Variants in KIF16B observed in about 807,000 individuals in gnomAD.
KIF16B encodes the protein kinesin-like protein KIF16B.
A neutral mutation model predicts 156.3 loss-of-function variants in KIF16B; 98 were observed. The ratio of observed to expected loss-of-function variants is 0.63; its 90% CI spans 0.53 to 0.74. The LOEUF (loss-of-function observed/expected upper bound fraction) is 0.74, where lower values mean the gene tolerates loss of function less well. KIF16B is among the 30% of genes least tolerant of loss of function. The pLI, the probability that KIF16B is intolerant of heterozygous loss-of-function variation, is 0.00. For synonymous variants in KIF16B, 564 were observed against 583.7 expected (o/e 0.97, Z 0.49); for missense variants, 1,421 against 1,606.5 (o/e 0.88, Z 1.97).
intron 11 of KIF16B, 56 bp from the exon 12 acceptor site, chr20:16,494,406 T>C: frequency 8.3e-7 from 1 of 1,207,770 alleles, no homozygotes; most frequent in Non-Finnish European, 1.2e-6. Context: ...TATAATTTTC[T>C]TCTAGTTTCC....
chr20:16,418,700 T>C (rs943060853), intron 15 of KIF16B, among the ~76,000 whole-genome samples: 4 of 152,192 alleles, frequency 2.6e-5, no homozygotes, highest in African/African-American at 9.6e-5. Context: ...TGCATCATGC[T>C]AACCCTGCCA....
chr20:16,543,681 T>C (rs1428192265), intron 1 of KIF16B, among the ~76,000 whole-genome samples: 5 of 152,108 alleles, frequency 3.3e-5, no homozygotes, highest in African/African-American at 7.2e-5. Flanking sequence ...ATGGGGAATT[T>C]TGGATACTCC....
Position 16,573,314 on chromosome 20 carries a change from C to A in KIF16B, c.-39G>T, listed in dbSNP as rs772580791. 3.1e-6 allele frequency: 5 copies of A among 1,606,482 alleles called. No homozygotes were observed. Among genetic ancestry groups the A allele is most frequent in the Non-Finnish European group, 4.2e-6 (5 of 1,177,086 alleles). The stretch of plus-strand genomic sequence containing the variant: ...CCAGCCCGCGCGGGGTCCCACTAGC[C>A]CAGAACTCCGCGGTCGCCGGCGACG... On this transcript the variant is annotated 5_prime_UTR_variant, in exon 1 of 26. Transcript: ENST00000354981.
At chr20:16,402,756 A>G (rs987756382) in intron 17 of KIF16B, among the ~76,000 whole-genome samples, 17 of 152,238 alleles carry the variant, frequency 1.1e-4, no homozygotes, top group Non-Finnish European at 1.9e-4. Context: ...GACAGTGGAC[A>G]GCCCGAGTGA....
chr20:16,542,457 T>C (rs527705781), intron 1 of KIF16B, among the ~76,000 whole-genome samples: 1 of 152,322 alleles, frequency 6.6e-6, no homozygotes, highest in African/African-American at 2.4e-5. Flanking sequence ...CTCTATCATT[T>C]TAGATTGTGG....
chr20:16,564,194 G>A lies in KIF16B; in HGVS notation c.47+9035C>T, dbSNP rs947287663. On this transcript the variant is annotated intron_variant, in intron 1 of 25. Transcript: ENST00000354981. ...GTAAAAAAGTTTCAAAAGATTACAG[G>A]AGTCCTTGCGGTAATTTGCTGAGAA... Among the ~76,000 whole-genome samples the A allele has an allele frequency of 3.3e-5, 5 of 152,276 alleles. No individual in the cohort carries two copies. The South Asian group carries it at 1.0e-3, about 32-fold the overall frequency.
At chr20:16,430,060 C>A in intron 12 of KIF16B, 78 bp from the exon 13 acceptor site, 1 of 1,354,910 alleles carries the variant, frequency 7.4e-7, no homozygotes, top group South Asian at 1.5e-5. Context: ...TTCAGATTGT[C>A]AGAATGGGCA....
chr20:16,374,332 A>G lies in KIF16B; in HGVS notation c.3275T>C (p.Leu1092Pro). The change falls in exon 20 of 26, where the codon CTG becomes CCG. Residue 1092 changes from leucine (L) to proline (P), a missense_variant. Coordinates refer to ENST00000354981, the MANE Select transcript of KIF16B (RefSeq NM_024704.5). ...GCTGGAAGAAGCCACCTTCCCTTCC[A>G]GGGTCCCATGATGATCTTTTTGAAC... ...DGVQKDHHGTLEGKVASSSLP... is the reference protein window; with the variant it reads ...DGVQKDHHGTPEGKVASSSLP... 1 of 1,606,958 alleles carries G rather than the reference A, an allele frequency of 6.2e-7. No homozygotes were observed. Among genetic ancestry groups the G allele is most frequent in the Admixed American group, 1.7e-5 (1 of 59,588 alleles).
intron 17 of KIF16B, among the ~76,000 whole-genome samples, chr20:16,391,417 T>A (rs1001206011): frequency 6.6e-6 from 1 of 152,198 alleles, no homozygotes; most frequent in Non-Finnish European, 1.5e-5. Context: ...GGCACTGTGG[T>A]CTCAGCAAAA....
intron 22 of KIF16B, among the ~76,000 whole-genome samples, chr20:16,360,840 A>G (rs1174667950): frequency 6.6e-6 from 1 of 152,216 alleles, no homozygotes; most frequent in Non-Finnish European, 1.5e-5. Flanking sequence ...TACTCAGGCT[A>G]TTTCCTTCAA....
At chr20:16,478,068 GT>G (rs1219982769) in intron 12 of KIF16B, among the ~76,000 whole-genome samples, 2 of 152,156 alleles carry the variant, frequency 1.3e-5, no homozygotes, top group African/African-American at 2.4e-5. Context: ...GGGATGGCAA[GT>G]TTATGCAAAA....
At chr20:16,568,994 T>C (rs898028415) in intron 1 of KIF16B, among the ~76,000 whole-genome samples, 5 of 152,066 alleles carry the variant, frequency 3.3e-5, no homozygotes, top group African/African-American at 1.2e-4. Context: ...AGGTAGGGCC[T>C]TTGGGAGGTG....
intron 22 of KIF16B, among the ~76,000 whole-genome samples, chr20:16,357,327 A>G (rs907197499): frequency 8.5e-5 from 13 of 152,298 alleles, no homozygotes; most frequent in African/African-American, 2.9e-4. Context: ...CCTACGAGGT[A>G]TTAACCATTA....
chr20:16,290,654 T>A (rs1418631390), intron 25 of KIF16B, among the ~76,000 whole-genome samples: 1 of 152,192 alleles, frequency 6.6e-6, no homozygotes, highest in East Asian at 1.9e-4. Flanking sequence ...AACTGCCCTG[T>A]GTCCCTTGGG....
intron 25 of KIF16B, among the ~76,000 whole-genome samples, chr20:16,303,867 C>T (rs1022122925): frequency 3.3e-5 from 5 of 152,118 alleles, no homozygotes; most frequent in African/African-American, 1.2e-4. Context: ...GCAGGGCATG[C>T]CTCTCTGAGG....
In KIF16B at chr20:16,374,363, C is replaced by T. The variant is rs199625497; in HGVS notation, c.3244G>A (p.Asp1082Asn). ...CCATGATGATCTTTTTGAACACCAT[C>T]GACCTCATAAATCTTCTGTTTCAGC... ...QQLKQKIYEV[D>N]GVQKDHHGTL... The change falls in exon 20 of 26, where the codon GAT becomes AAT. Residue 1082 changes from aspartate (D) to asparagine (N), a missense_variant. Coordinates refer to ENST00000354981, the MANE Select transcript of KIF16B (RefSeq NM_024704.5). 29 of 1,600,556 alleles carry T rather than the reference C, an allele frequency of 1.8e-5. No homozygotes were observed. The Admixed American group carries it at 2.7e-4, about 15-fold the overall frequency.
At chr20:16,320,604 GT>G (rs1427767006) in intron 24 of KIF16B, among the ~76,000 whole-genome samples, 1 of 152,146 alleles carries the variant, frequency 6.6e-6, no homozygotes, top group Non-Finnish European at 1.5e-5. Context: ...GACCCAAAAA[GT>G]TTATATCTAA....
At chr20:16,572,839 G>A (rs2071504102) in intron 1 of KIF16B, among the ~76,000 whole-genome samples, 1 of 152,184 alleles carries the variant, frequency 6.6e-6, no homozygotes, top group South Asian at 2.1e-4. Context: ...ATTGTTAAGA[G>A]AACTTCTGAG....
At chr20:16,332,636 C>T (rs1568858422) in intron 24 of KIF16B, among the ~76,000 whole-genome samples, 1 of 152,090 alleles carries the variant, frequency 6.6e-6, no homozygotes, top group African/African-American at 2.4e-5. Flanking sequence ...AGATCCTGAG[C>T]CTGTCTTCAG....
Sources: gnomAD v4.1 joint callset for allele counts (sites outside exome capture counted in the v4.1 genomes callset) on GRCh38, gnomAD v4.1.1 for gene constraint, MANE v1.5 for transcripts, NCBI Gene and HGNC (gene_info 2026-07-23, HGNC 2026-07-21) for gene names.